KCNN2: variants seen among roughly 807,000 people sequenced by gnomAD.
KCNN2 encodes potassium calcium-activated channel subfamily N member 2, also known as small conductance calcium-activated potassium channel protein 2.
A neutral mutation model predicts 55.5 loss-of-function variants in KCNN2; 24 were observed. The ratio of observed to expected loss-of-function variants is 0.43; its 90% CI spans 0.31 to 0.61. The LOEUF (loss-of-function observed/expected upper bound fraction) is 0.61. Ranked by LOEUF, KCNN2 falls within the 20% of genes least tolerant of loss-of-function variation. KCNN2 has a pLI of 0.08. For synonymous variants in KCNN2, 431 were observed against 336.1 expected (o/e 1.28, Z -3.09); for missense variants, 754 against 853.6 (o/e 0.88, Z 1.45).
intron 1 of KCNN2, among the ~76,000 whole-genome samples, chr5:114,208,385 G>A (rs778693009): frequency 2.0e-5 from 3 of 151,896 alleles, no homozygotes; most frequent in African/African-American, 4.8e-5. Flanking sequence ...ACTATGTGGG[G>A]TGATTCTGTT....
chr5:114,225,890 A>G (rs1235287070), intron 2 of KCNN2, among the ~76,000 whole-genome samples: 2 of 152,228 alleles, frequency 1.3e-5, no homozygotes, highest in Admixed American at 6.5e-5. Flanking sequence ...TAAAATGAAT[A>G]TTTAAGCTTG....
chr5:114,405,501 T>C (rs1476025120), intron 3 of KCNN2, among the ~76,000 whole-genome samples: 2 of 152,314 alleles, frequency 1.3e-5, no homozygotes, highest in Admixed American at 6.5e-5. Context: ...AGTTATACGT[T>C]AATAATGTTA....
intron 2 of KCNN2, among the ~76,000 whole-genome samples, chr5:114,295,075 G>T (rs1252215683): frequency 6.6e-6 from 1 of 152,094 alleles, no homozygotes; most frequent in African/African-American, 2.4e-5. Flanking sequence ...TTTTGTCTCA[G>T]AGGAGTACCT....
intron 2 of KCNN2, among the ~76,000 whole-genome samples, chr5:114,325,068 A>C (rs552883074): frequency 6.6e-6 from 1 of 152,338 alleles, no homozygotes; most frequent in South Asian, 2.1e-4. Flanking sequence ...GTGTCAGAAA[A>C]CTAAGCAGGA....
chr5:114,216,664 CA>C (rs932693733), intron 1 of KCNN2, among the ~76,000 whole-genome samples: 2 of 151,904 alleles, frequency 1.3e-5, no homozygotes, highest in Admixed American at 6.6e-5. Context: ...TACGAAAACC[CA>C]CCAGCTACCA....
At chr5:114,263,060 A>C (rs907349240) in intron 2 of KCNN2, among the ~76,000 whole-genome samples, 1 of 152,170 alleles carries the variant, frequency 6.6e-6, no homozygotes, top group Non-Finnish European at 1.5e-5. Context: ...GGACAACTGG[A>C]TCGAGGCCTG....
chr5:114,372,023 TCAGA>T (rs1376422957), intron 2 of KCNN2, among the ~76,000 whole-genome samples: 2 of 152,218 alleles, frequency 1.3e-5, no homozygotes, highest in Non-Finnish European at 2.9e-5. Flanking sequence ...CATCTTGATT[TCAGA>T]CCAGCATATC....
At chr5:114,312,434 C>CACATAT (rs1561566604) in intron 2 of KCNN2, among the ~76,000 whole-genome samples, 19 of 23,388 alleles carry the variant, frequency 8.1e-4, no homozygotes, top group Non-Finnish European at 1.0e-3. Flanking sequence ...CACACACACA[C>CACATAT]ATATATATAT....
At chr5:114,162,634 C>T (rs1300429580) in intron 1 of KCNN2, among the ~76,000 whole-genome samples, 1 of 152,232 alleles carries the variant, frequency 6.6e-6, no homozygotes, top group East Asian at 1.9e-4. Context: ...CCTCCTTGAG[C>T]TGTGGTGGGC....
At chr5:114,236,593 T>G (rs2112609907) in intron 2 of KCNN2, among the ~76,000 whole-genome samples, 1 of 152,326 alleles carries the variant, frequency 6.6e-6, no homozygotes, top group Admixed American at 6.5e-5. Flanking sequence ...TTGGAAATAA[T>G]GACTGACATT....
intron 1 of KCNN2, among the ~76,000 whole-genome samples, chr5:114,166,981 A>C (rs1752926047): frequency 6.6e-6 from 1 of 152,186 alleles, no homozygotes; most frequent in African/African-American, 2.4e-5. Context: ...CCAGCAGCTT[A>C]ATCTTAGACT....
chr5:114,280,253 C>T lies in KCNN2; in HGVS notation c.-185+58688C>T, dbSNP rs140006369. ...AATTTTCTCCTATTCTGTAGGTTGC[C>T]TGTTCACTCTGATAGTAGTTCCTTT... On this transcript the variant is annotated intron_variant, in intron 2 of 10. Coordinates refer to the KCNN2 transcript ENST00000512097. Among the ~76,000 whole-genome samples, 798 of 152,270 alleles carry T rather than the reference C, an allele frequency of 5.2e-3. 7 individuals are homozygous for T. Among genetic ancestry groups the T allele is most frequent in the African/African-American group, 0.018 (765 of 41,542 alleles).
chr5:114,391,899 C>T (rs1449815235), intron 2 of KCNN2, among the ~76,000 whole-genome samples: 1 of 151,996 alleles, frequency 6.6e-6, no homozygotes, highest in Admixed American at 6.6e-5. Flanking sequence ...TTTTCATGGT[C>T]AGAGGGTGGT....
intron 1 of KCNN2, among the ~76,000 whole-genome samples, chr5:114,062,155 C>G (rs184892983): frequency 6.6e-6 from 1 of 151,136 alleles, no homozygotes; most frequent in Non-Finnish European, 1.5e-5. Flanking sequence ...AGACTTGTCA[C>G]GTAGTTATAA....
At chr5:114,147,779 T>C (rs1752428864) in intron 1 of KCNN2, among the ~76,000 whole-genome samples, 1 of 152,172 alleles carries the variant, frequency 6.6e-6, no homozygotes, top group Non-Finnish European at 1.5e-5. Context: ...TTTAAGGTGT[T>C]TAAATTGTCA....
At chr5:114,104,895 G>C (rs563405313) in intron 1 of KCNN2, among the ~76,000 whole-genome samples, 1 of 152,102 alleles carries the variant, frequency 6.6e-6, no homozygotes, top group Non-Finnish European at 1.5e-5. Flanking sequence ...AAAGAGAGAG[G>C]ATTGTGCTCA....
intron 2 of KCNN2, among the ~76,000 whole-genome samples, chr5:114,262,240 G>T (rs1390321805): frequency 6.6e-6 from 1 of 152,118 alleles, no homozygotes; most frequent in Admixed American, 6.6e-5. Flanking sequence ...CAAGAAAGCA[G>T]TCTTCTTCCA....
intron 2 of KCNN2, among the ~76,000 whole-genome samples, chr5:114,327,053 G>A (rs1756727301): frequency 6.6e-6 from 1 of 152,164 alleles, no homozygotes; most frequent in African/African-American, 2.4e-5. Flanking sequence ...ACGTAAATGA[G>A]AGGTGAAGTG....
chr5:114,441,054 G>C lies in KCNN2; in HGVS notation c.1638-21995G>C, dbSNP rs550488663. ...GTTTAGTGTCACTATGTTAATATCTGATAAAGATAGTGTTAAAAGCAAAAA... is the reference window on the plus strand; with the variant it reads ...GTTTAGTGTCACTATGTTAATATCTCATAAAGATAGTGTTAAAAGCAAAAA... On this transcript the variant is annotated intron_variant, in intron 3 of 7. Transcript: ENST00000673685. 2.3e-4 allele frequency among the ~76,000 whole-genome samples: 35 copies of C among 152,172 alleles called. 1 individual carries two copies. In the South Asian group the frequency reaches 7.1e-3, roughly 31 times the overall value.
Sources: gnomAD v4.1 joint callset for allele counts (sites outside exome capture counted in the v4.1 genomes callset) on GRCh38, gnomAD v4.1.1 for gene constraint, MANE v1.5 for transcripts, NCBI Gene and HGNC (gene_info 2026-07-23, HGNC 2026-07-21) for gene names.